The following SPRED2 variants were observed in gnomAD, a reference collection of about 807,000 sequenced individuals.
The protein encoded by SPRED2 is sprouty related EVH1 domain containing 2, also known as sprouty-related, EVH1 domain-containing protein 2.
A neutral mutation model predicts 43.0 loss-of-function variants in SPRED2; 47 were observed. The observed-to-expected ratio is 1.09, with a 90% CI of 0.87 to 1.40. The LOEUF (loss-of-function observed/expected upper bound fraction) is 1.40, where lower values mean the gene tolerates loss of function less well. Ranked by LOEUF, SPRED2 falls within the 40% of genes most tolerant of loss-of-function variation. The probability of loss-of-function intolerance (pLI) is 0.00; values close to 1 mark genes in which losing one functional copy is unlikely to be tolerated. For missense variants in SPRED2, 561 were observed against 586.4 expected (o/e 0.96, Z 0.45); for synonymous variants, 225 against 225.7 (o/e 1.00, Z 0.03).
At chr2:65,385,675 A>G (rs1252460852) in intron 1 of SPRED2, among the ~76,000 whole-genome samples, 1 of 152,134 alleles carries the variant, frequency 6.6e-6, no homozygotes, top group Non-Finnish European at 1.5e-5. Context: ...TGGAAGGAGA[A>G]GGGCAAGAAC....
intron 1 of SPRED2, among the ~76,000 whole-genome samples, chr2:65,409,015 C>A (rs111255337): frequency 6.6e-6 from 1 of 152,168 alleles, no homozygotes; most frequent in Non-Finnish European, 1.5e-5. Context: ...ATTTACAGAT[C>A]ACCTCTTCAT....
intron 1 of SPRED2, among the ~76,000 whole-genome samples, chr2:65,380,132 C>T (rs376343511): frequency 1.3e-5 from 2 of 152,152 alleles, no homozygotes; most frequent in African/African-American, 2.4e-5. Context: ...TATAGAGAAA[C>T]CTGGTGTGCA....
intron 1 of SPRED2, among the ~76,000 whole-genome samples, chr2:65,410,242 T>C (rs1397811060): frequency 6.6e-6 from 1 of 151,730 alleles, no homozygotes; most frequent in Non-Finnish European, 1.5e-5. Context: ...GTCTCTTAAC[T>C]GAAAAGAAAA....
chr2:65,416,854 T>A (rs1676286752), intron 1 of SPRED2, among the ~76,000 whole-genome samples: 1 of 152,212 alleles, frequency 6.6e-6, no homozygotes, highest in South Asian at 2.1e-4. Context: ...CCCTTGGCCA[T>A]GATACTTACT....
chr2:65,326,664 C>CCAAA (rs971276665), intron 4 of SPRED2, among the ~76,000 whole-genome samples: 5 of 152,040 alleles, frequency 3.3e-5, no homozygotes, highest in African/African-American at 7.3e-5. Context: ...CAAAAACCAA[C>CCAAA]CAACCAACCA....
At chr2:65,342,456 A>C (rs1313624484) in intron 2 of SPRED2, among the ~76,000 whole-genome samples, 1 of 149,292 alleles carries the variant, frequency 6.7e-6, no homozygotes, top group Non-Finnish European at 1.5e-5. Context: ...TATATATTAT[A>C]TATGTATGAA....
intron 1 of SPRED2, among the ~76,000 whole-genome samples, chr2:65,401,940 C>T (rs1396308287): frequency 2.3e-4 from 26 of 111,002 alleles, no homozygotes; most frequent in African/African-American, 1.1e-3. Context: ...CGCGCGCGCA[C>T]ACACACACAC....
intron 4 of SPRED2, among the ~76,000 whole-genome samples, chr2:65,327,709 C>CTGTCTTTTTTT (rs1553416558): frequency 8.7e-6 from 1 of 115,454 alleles, no homozygotes. Flanking sequence ...TCTTTTCTTT[C>CTGTCTTTTTTT]TTTCTTTTTT....
intron 3 of SPRED2, chr2:65,334,169 C>T (rs995525268): frequency 4.2e-6 from 2 of 471,080 alleles, no homozygotes; most frequent in African/African-American, 4.0e-5. Context: ...GATCCCTTTC[C>T]TTTTCAGTGG....
At chr2:65,326,302 T>G (rs1036021366) in intron 4 of SPRED2, among the ~76,000 whole-genome samples, 3 of 151,996 alleles carry the variant, frequency 2.0e-5, no homozygotes, top group Non-Finnish European at 2.9e-5. Context: ...ACTGGATGAG[T>G]TGCAAGATTT....
intron 4 of SPRED2, among the ~76,000 whole-genome samples, chr2:65,322,643 C>T (rs1673466360): frequency 6.6e-6 from 1 of 152,126 alleles, no homozygotes; most frequent in African/African-American, 2.4e-5. Context: ...CATCTTTTGC[C>T]AGGGCTTCCA....
intron 1 of SPRED2, among the ~76,000 whole-genome samples, chr2:65,370,365 C>T (rs1485737702): frequency 2.0e-5 from 3 of 152,152 alleles, no homozygotes; most frequent in Non-Finnish European, 4.4e-5. Flanking sequence ...AATTTAGACT[C>T]TCTCAGAGGT....
chr2:65,313,585 C>T lies in SPRED2; in HGVS notation c.1173G>A (p.Met391Ile). Residue 391 changes from methionine to isoleucine, a missense_variant, in exon 6 of 6, where the codon ATG becomes ATA. Met to Ile is a conservative substitution (Grantham distance 10). Transcript: ENST00000356388. ...LIALSFLAPCMCCYLPLRACY... is the reference protein window; with the variant it reads ...LIALSFLAPCICCYLPLRACY... ...AGGCCCGAAGGGGCAGGTAACAGCA[C>T]ATACAGGGGGCCAGGAAAGACAAGG... The T allele has an allele frequency of 1.2e-6, 2 of 1,614,210 alleles. No individual in the cohort carries two copies. The highest frequency in any genetic ancestry group is 1.1e-5 in the South Asian group (1 of 91,084).
chr2:65,330,497 T>C (rs1298197520), intron 4 of SPRED2, among the ~76,000 whole-genome samples: 2 of 152,212 alleles, frequency 1.3e-5, no homozygotes, highest in African/African-American at 2.4e-5. Context: ...GGAGCAGTTT[T>C]AGTTTCACAG....
At chr2:65,363,000 GTTTTGTTTTTTTT>G (rs1256599542) in intron 1 of SPRED2, among the ~76,000 whole-genome samples, 3 of 66,984 alleles carry the variant, frequency 4.5e-5, no homozygotes, top group African/African-American at 2.1e-4. Flanking sequence ...TGGTCATCAT[GTTTTGTTTTTTTT>G]TTTTTTTTTT....
chr2:65,356,768 G>C (rs949931771), intron 1 of SPRED2, among the ~76,000 whole-genome samples: 3 of 152,008 alleles, frequency 2.0e-5, no homozygotes, highest in Non-Finnish European at 4.4e-5. Context: ...GAAGTGGGCA[G>C]ATCACCTGAG....
intron 3 of SPRED2, 27 bp downstream of exon 3, chr2:65,334,578 C>A (rs1377819118): frequency 6.2e-7 from 1 of 1,609,926 alleles, no homozygotes; most frequent in South Asian, 1.1e-5. Flanking sequence ...CATAGTCCCA[C>A]TAAGAATGCA....
chr2:65,410,546 T>G (rs1447834816), intron 1 of SPRED2, among the ~76,000 whole-genome samples: 1 of 152,092 alleles, frequency 6.6e-6, no homozygotes, highest in Admixed American at 6.5e-5. Context: ...GATCACAAGG[T>G]CAGGAGATCG....
Position 65,334,615 on chromosome 2 carries a change from GTCTTCGATTGC to G in SPRED2, c.352_362del (p.Ala118ProfsTer14). On this transcript the variant is annotated frameshift_variant, in exon 3 of 6. Transcript: ENST00000356388. LOFTEE classifies it high-confidence loss of function. ...CGACAAGTTCAATACCTTCTATAAG[GTCTTCGATTGC>G]TTTCCTTACTCCCCTGTCAAAGGCT... 6.2e-7 allele frequency: 1 copy of G among 1,614,188 alleles called. No homozygotes were observed. The highest frequency in any genetic ancestry group is 8.5e-7 in the Non-Finnish European group (1 of 1,180,044).
Sources: gnomAD v4.1 joint callset for allele counts (sites outside exome capture counted in the v4.1 genomes callset) on GRCh38, gnomAD v4.1.1 for gene constraint, MANE v1.5 for transcripts, NCBI Gene and HGNC (gene_info 2026-07-23, HGNC 2026-07-21) for gene names.